MROH2A: variants seen among roughly 807,000 people sequenced by gnomAD.
MROH2A encodes the protein maestro heat like repeat family member 2A, also known as maestro heat-like repeat-containing protein family member 2A.
Under a neutral mutation model 200.4 loss-of-function variants are expected in MROH2A, and 174 were observed. The ratio of observed to expected loss-of-function variants is 0.87; its 90% confidence interval spans 0.77 to 0.98. MROH2A has a LOEUF of 0.98. Among genes scored for constraint, MROH2A ranks in the 50% least tolerant of loss-of-function variants. The pLI, the probability that MROH2A is intolerant of heterozygous loss-of-function variation, is 0.00. For synonymous variants in MROH2A, 829 were observed against 840.4 expected, an observed-to-expected ratio of 0.99 and a Z score of 0.23; for missense variants, 2,045 against 2,139.6, an observed-to-expected ratio of 0.96 and a Z score of 0.87.
At chr2:233,787,254 G>A (rs1175880512) in intron 3 of MROH2A, among the ~76,000 whole-genome samples, 1 of 151,822 alleles carries the variant, frequency 6.6e-6, no homozygotes, top group Non-Finnish European at 1.5e-5. Flanking sequence ...TGCAGTAAGA[G>A]TGTTAATTAA....
intron 15 of MROH2A, 72 bp downstream of exon 15, chr2:233,802,387 C>T: frequency 1.4e-6 from 2 of 1,460,426 alleles, no homozygotes; most frequent in Non-Finnish European, 1.8e-6. Context: ...ATGCCCACCC[C>T]TCTCCACATT....
chr2:233,799,714 G>C (rs1335783895), intron 12 of MROH2A, 66 bp from the exon 13 acceptor site: 2 of 1,541,420 alleles, frequency 1.3e-6, no homozygotes, highest in Non-Finnish European at 1.8e-6. Context: ...AGCTCTCTAT[G>C]TCACAGGATT....
At chr2:233,825,311 A>C (rs1704230856) in intron 35 of MROH2A, among the ~76,000 whole-genome samples, 1 of 152,072 alleles carries the variant, frequency 6.6e-6, no homozygotes, top group Admixed American at 6.5e-5. Context: ...AATACGCTTT[A>C]TTTCTTTCTC....
chr2:233,808,086 G>A (rs1001944206), intron 21 of MROH2A, among the ~76,000 whole-genome samples: 3 of 152,202 alleles, frequency 2.0e-5, no homozygotes, highest in East Asian at 1.9e-4. Flanking sequence ...ATACTGTCAC[G>A]GAGTCCCAGC....
intron 35 of MROH2A, among the ~76,000 whole-genome samples, chr2:233,824,199 A>G (rs2124890502): frequency 6.6e-6 from 1 of 152,372 alleles, no homozygotes; most frequent in East Asian, 1.9e-4. Context: ...GCCACAGCCA[A>G]TAAGTCAACC....
At position 233,828,801 on chromosome 2, in the gene MROH2A, C is replaced by T. The variant is rs1353227172; in HGVS notation, c.4263+22C>T. ...GAAGGTACTGTGCCTGGCCCTGGGCCCAGGTCCCGGGAGCTGAGGGTGCAG... is the reference window on the plus strand; with the variant it reads ...GAAGGTACTGTGCCTGGCCCTGGGCTCAGGTCCCGGGAGCTGAGGGTGCAG... On this transcript the variant is annotated intron_variant, in intron 36 of 41. Coordinates refer to ENST00000389758, the MANE Select transcript of MROH2A (RefSeq NM_001394639.1). The surrounding 1 kb of genome is among the most constrained non-coding windows in gnomAD (Gnocchi z 4.6). The T allele has an allele frequency of 1.9e-6, 3 of 1,549,302 alleles. No homozygotes were observed. The highest frequency in any genetic ancestry group is 2.4e-5 in the East Asian group (1 of 40,880).
chr2:233,822,650 C>T, intron 33 of MROH2A, 94 bp downstream of exon 33: 1 of 1,290,462 alleles, frequency 7.7e-7, no homozygotes, highest in Non-Finnish European at 1.1e-6. Context: ...AGTGAGGGGC[C>T]CTCTGTCTCC....
In MROH2A at chr2:233,779,752, A is replaced by G. The variant is rs1700847004; in HGVS notation, c.176A>G (p.Asp59Gly). Residue 59 changes from aspartate (D) to glycine (G), a missense_variant, in exon 3 of 42, where the codon GAC becomes GGC. This residue lies in a region of MROH2A where 831 missense variants were observed against 800.0 expected (regional missense o/e 1.04). Transcript: ENST00000389758. ...AKTDTTGAGL[D>G]MRKTLASVII... ...ACGGACACAACAGGGGCAGGCCTTG[A>G]CATGCGGAAGACCCTGGCCTCGGTG... 2 of 1,551,056 alleles carry G rather than the reference A, an allele frequency of 1.3e-6. No individual in the cohort carries two copies. Among genetic ancestry groups the G allele is most frequent in the Non-Finnish European group, 1.7e-6 (2 of 1,147,090 alleles).
In MROH2A at chr2:233,779,382, A is replaced by G; in HGVS notation, c.24A>G (p.Ala8=). The G allele has an allele frequency of 1.3e-6, 2 of 1,549,744 alleles. No homozygotes were observed. The highest frequency in any genetic ancestry group is 2.4e-5 in the South Asian group (2 of 84,050). Residue 8 remains alanine, a synonymous_variant, in exon 2 of 42, where the codon GCA becomes GCG. Coordinates refer to ENST00000389758, the MANE Select transcript of MROH2A (RefSeq NM_001394639.1). MTEAITE[A]AVASSEEVSE... ...AGATGACTGAAGCCATTACAGAAGCAGCAGTAGCCTCAAGTGAGGAGGTGT... is the reference window on the plus strand; with the variant it reads ...AGATGACTGAAGCCATTACAGAAGCGGCAGTAGCCTCAAGTGAGGAGGTGT...
chr2:233,811,672 G>A (rs968443009), intron 23 of MROH2A, among the ~76,000 whole-genome samples: 3 of 152,252 alleles, frequency 2.0e-5, no homozygotes, highest in South Asian at 2.1e-4. Context: ...TGAGCAGCGC[G>A]AGCTGGGAGC....
chr2:233,818,937 A>G (rs975837685), intron 29 of MROH2A, among the ~76,000 whole-genome samples, 167 bp downstream of exon 29: 1 of 152,218 alleles, frequency 6.6e-6, no homozygotes, highest in South Asian at 2.1e-4. Context: ...AAGGGCCTGC[A>G]GTATGTCATG....
intron 2 of MROH2A, 64 bp from the exon 3 acceptor site, chr2:233,779,607 A>G (rs755341881): frequency 5.9e-6 from 9 of 1,519,600 alleles, no homozygotes; most frequent in African/African-American, 1.4e-5. Context: ...AAGGCCAGGG[A>G]CACAAGGGCA....
At chr2:233,818,189 T>A in intron 28 of MROH2A, 64 bp downstream of exon 28, 1 of 1,532,234 alleles carries the variant, frequency 6.5e-7, no homozygotes, top group Non-Finnish European at 8.8e-7. Flanking sequence ...ACTCCAGGAG[T>A]ATGGGCTGCG....
rs146578271 is a variant in MROH2A at position 233,784,911 on chromosome 2, G to A, written c.277-4586G>A. 6.0e-3 allele frequency among the ~76,000 whole-genome samples: 910 copies of A among 152,260 alleles called. 6 individuals carry two copies. Among genetic ancestry groups the A allele is most frequent in the African/African-American group, 0.02 (831 of 41,556 alleles). On this transcript the variant is annotated intron_variant, in intron 3 of 41. Coordinates refer to ENST00000389758, the MANE Select transcript of MROH2A (RefSeq NM_001394639.1). ...ATGCCACTTTGGGAGCACTTTGGGA[G>A]CCAAGGCGGGCGGATCACGAGGTCA...
intron 19 of MROH2A, among the ~76,000 whole-genome samples, chr2:233,806,363 A>C (rs1702791084): frequency 6.6e-6 from 1 of 152,306 alleles, no homozygotes; most frequent in East Asian, 1.9e-4. Context: ...ATCTCCAAAA[A>C]CAATAATATT....
chr2:233,828,106 T>C lies in MROH2A; in HGVS notation c.4114-524T>C, dbSNP rs189855681. 6.6e-6 allele frequency among the ~76,000 whole-genome samples: 1 copy of C among 152,296 alleles called. No homozygotes were observed. The highest frequency in any genetic ancestry group is 1.5e-5 in the Non-Finnish European group (1 of 68,026). On this transcript the variant is annotated intron_variant, in intron 35 of 41. Transcript: ENST00000389758. This position sits in a 1 kb window ranked among gnomAD's most constrained non-coding sequence, Gnocchi z 4.6. ...ACTAGATGTGGGGATAGTCAATAGA[T>C]GCTCATTTCTCCTGTCCCTGGACTC...
At chr2:233,804,000 A>G in intron 16 of MROH2A, 51 bp from the exon 17 acceptor site, 1 of 1,534,710 alleles carries the variant, frequency 6.5e-7, no homozygotes, top group Non-Finnish European at 8.8e-7. Context: ...GCTCCAAGAC[A>G]AGGAGCAAGG....
At chr2:233,784,572 C>T (rs1399394762) in intron 3 of MROH2A, among the ~76,000 whole-genome samples, 1 of 152,078 alleles carries the variant, frequency 6.6e-6, no homozygotes, top group Non-Finnish European at 1.5e-5. Flanking sequence ...GGGAAGATCC[C>T]TCATGAATGT....
At chr2:233,806,192 T>A (rs1366528840) in intron 19 of MROH2A, among the ~76,000 whole-genome samples, 1 of 152,114 alleles carries the variant, frequency 6.6e-6, no homozygotes, top group East Asian at 1.9e-4. Context: ...AATAGAACCA[T>A]GGAACAACTA....
Sources: allele counts gnomAD v4.1 joint callset (sites outside exome capture counted in the v4.1 genomes callset), GRCh38; gene constraint gnomAD v4.1.1; regional missense constraint gnomAD v4.1.1; non-coding constraint Gnocchi (gnomAD v3.1); transcripts MANE v1.5; gene names NCBI Gene and HGNC (gene_info 2026-07-23, HGNC 2026-07-21).